Variants in SKAP1 observed in about 807,000 individuals in gnomAD.
SKAP1 encodes src kinase associated phosphoprotein 1.
In SKAP1, 44 loss-of-function variants were observed where a neutral mutation model predicts 58.5. That is an observed-to-expected ratio of 0.75 (90% CI 0.59 to 0.97). The LOEUF is 0.97. Among genes scored for constraint, SKAP1 ranks in the 50% least tolerant of loss-of-function variants. The probability of loss-of-function intolerance (pLI) is 0.00; values close to 1 mark genes in which losing one functional copy is unlikely to be tolerated. For missense variants in SKAP1, 390 were observed against 435.2 expected (o/e 0.90, Z 0.92); for synonymous variants, 127 against 149.7 (o/e 0.85, Z 1.11).
At chr17:48,305,113 A>T (rs1408746508) in intron 4 of SKAP1, among the ~76,000 whole-genome samples, 2 of 152,224 alleles carry the variant, frequency 1.3e-5, no homozygotes, top group Non-Finnish European at 2.9e-5. Flanking sequence ...GAAAAATCAT[A>T]TCTTGACATG....
At chr17:48,442,075 G>A in the SKAP1 span, among the ~76,000 whole-genome samples, 1 of 152,162 alleles carries the variant, frequency 6.6e-6, no homozygotes, top group Non-Finnish European at 1.5e-5. Flanking sequence ...CCAGGAACAT[G>A]CACTGAAGTT....
chr17:48,327,568 T>C (rs1486112073), intron 4 of SKAP1, among the ~76,000 whole-genome samples: 1 of 152,188 alleles, frequency 6.6e-6, no homozygotes, highest in African/African-American at 2.4e-5. Flanking sequence ...TCCATTTAAG[T>C]ACAGGAATAT....
intron 4 of SKAP1, among the ~76,000 whole-genome samples, chr17:48,199,746 CT>C (rs1216388033): frequency 6.6e-6 from 1 of 151,952 alleles, no homozygotes; most frequent in Non-Finnish European, 1.5e-5. Flanking sequence ...AGGGCTATTC[CT>C]GGGAAAAGAA....
At chr17:48,141,154 C>G (rs2063762648) in intron 11 of SKAP1, among the ~76,000 whole-genome samples, 1 of 152,082 alleles carries the variant, frequency 6.6e-6, no homozygotes, top group South Asian at 2.1e-4. Context: ...CTAAAATCCT[C>G]CATCTTCTTT....
At chr17:48,245,368 C>T (rs1268589876) in intron 4 of SKAP1, among the ~76,000 whole-genome samples, 4 of 151,964 alleles carry the variant, frequency 2.6e-5, no homozygotes, top group Non-Finnish European at 5.9e-5. Context: ...TTTAAAATTA[C>T]GATAGTGACA....
chr17:48,313,327 C>A (rs1025255477), intron 4 of SKAP1, among the ~76,000 whole-genome samples: 8 of 152,126 alleles, frequency 5.3e-5, no homozygotes, highest in African/African-American at 1.7e-4. Context: ...ACCTAATTAC[C>A]TGATACATCC....
At chr17:48,418,555 A>C (rs1375986502) in intron 1 of SKAP1, among the ~76,000 whole-genome samples, 2 of 152,206 alleles carry the variant, frequency 1.3e-5, no homozygotes, top group East Asian at 3.8e-4. Flanking sequence ...TTGGAGTTTA[A>C]CATACAACTA....
chr17:48,318,683 T>C (rs2066321280), intron 4 of SKAP1, among the ~76,000 whole-genome samples: 1 of 151,934 alleles, frequency 6.6e-6, no homozygotes, highest in African/African-American at 2.4e-5. Flanking sequence ...CTGGGCAACA[T>C]AGTGAGACTT....
At chr17:48,141,099 T>G (rs933005197) in intron 11 of SKAP1, among the ~76,000 whole-genome samples, 1 of 151,970 alleles carries the variant, frequency 6.6e-6, no homozygotes, top group African/African-American at 2.4e-5. Flanking sequence ...ATCCCCCTCT[T>G]CTAATCAATC....
rs574899266 is a variant in SKAP1, at chr17:48,258,538, C to T, written c.281-69038G>A. Among the ~76,000 whole-genome samples, 280 of 152,200 alleles carry T rather than the reference C, an allele frequency of 1.8e-3. 1 individual carries two copies. The highest frequency in any genetic ancestry group is 6.3e-3 in the African/African-American group (262 of 41,536). Reference sequence around the variant, plus strand: ...ATGTTAACAAGATTTATATACATTACTGGTGCCGTTAAGGAAACTTAAATG... The same window carrying T: ...ATGTTAACAAGATTTATATACATTATTGGTGCCGTTAAGGAAACTTAAATG... On this transcript the variant is annotated intron_variant, in intron 4 of 12. Transcript: ENST00000336915.
At chr17:48,414,981 G>A (rs1244058813) in intron 1 of SKAP1, among the ~76,000 whole-genome samples, 1 of 152,182 alleles carries the variant, frequency 6.6e-6, no homozygotes, top group Non-Finnish European at 1.5e-5. Flanking sequence ...GTTGCCTCCT[G>A]TTTTCTAAGT....
intron 4 of SKAP1, among the ~76,000 whole-genome samples, chr17:48,209,842 A>C (rs2064850727): frequency 6.6e-6 from 1 of 152,202 alleles, no homozygotes; most frequent in South Asian, 2.1e-4. Flanking sequence ...TGCTGCTTAA[A>C]TGGTGTGTGT....
At chr17:48,274,138 C>T (rs2065668712) in intron 4 of SKAP1, among the ~76,000 whole-genome samples, 1 of 152,154 alleles carries the variant, frequency 6.6e-6, no homozygotes, top group Non-Finnish European at 1.5e-5. Flanking sequence ...CTTGTAATCC[C>T]AGCACTTCAG....
chr17:48,359,267 T>C (rs2066909373), intron 3 of SKAP1, among the ~76,000 whole-genome samples: 2 of 152,132 alleles, frequency 1.3e-5, no homozygotes, highest in Non-Finnish European at 2.9e-5. Context: ...CCTGTTTCTT[T>C]CTCCTCTCCC....
chr17:48,323,146 G>A (rs1362841786), intron 4 of SKAP1, among the ~76,000 whole-genome samples: 1 of 151,056 alleles, frequency 6.6e-6, no homozygotes, highest in Non-Finnish European at 1.5e-5. Flanking sequence ...AACGCTGGTA[G>A]ACAATTAGCA....
chr17:48,272,476 C>A (rs1401890150), intron 4 of SKAP1, among the ~76,000 whole-genome samples: 1 of 151,968 alleles, frequency 6.6e-6, no homozygotes, highest in Non-Finnish European at 1.5e-5. Flanking sequence ...GTTGCGATTG[C>A]CATTATAAGT....
intron 4 of SKAP1, among the ~76,000 whole-genome samples, chr17:48,333,723 G>C (rs1199602847): frequency 6.6e-6 from 1 of 151,956 alleles, no homozygotes; most frequent in East Asian, 1.9e-4. Context: ...AAATATGAAA[G>C]CAGTAAAAAG....
intron 1 of SKAP1, among the ~76,000 whole-genome samples, chr17:48,406,348 A>C (rs1158731241): frequency 6.6e-6 from 1 of 151,998 alleles, no homozygotes; most frequent in Non-Finnish European, 1.5e-5. Flanking sequence ...AATATTGATT[A>C]AACACTGAAT....
intron 4 of SKAP1, among the ~76,000 whole-genome samples, chr17:48,332,258 T>A (rs920751593): frequency 3.9e-5 from 6 of 152,136 alleles, no homozygotes; most frequent in Admixed American, 2.6e-4. Context: ...GTTTTCTGAT[T>A]TAAAATATAA....
Sources: gnomAD v4.1 joint callset for allele counts (sites outside exome capture counted in the v4.1 genomes callset) on GRCh38, gnomAD v4.1.1 for gene constraint, MANE v1.5 for transcripts, NCBI Gene and HGNC (gene_info 2026-07-23, HGNC 2026-07-21) for gene names.